The following LCP2 variants were observed in gnomAD, a reference collection of about 807,000 sequenced individuals.
The protein encoded by LCP2 is 76 kDa tyrosine phosphoprotein.
A neutral mutation model predicts 74.5 loss-of-function variants in LCP2; 29 were observed. That is an observed-to-expected ratio of 0.39 (90% CI 0.29 to 0.53). The LOEUF (loss-of-function observed/expected upper bound fraction) is 0.53, where lower values mean the gene tolerates loss of function less well. LCP2 is among the 20% of genes least tolerant of loss of function. LCP2 has a pLI of 0.72. For missense variants in LCP2, 604 were observed against 634.6 expected (o/e 0.95, Z 0.52); for synonymous variants, 228 against 229.5 (o/e 0.99, Z 0.06).
intron 2 of LCP2, among the ~76,000 whole-genome samples, chr5:170,289,671 T>TTCTTTCTTTCTTTCTTTCTCTC (rs1554141414): frequency 1.2e-5 from 1 of 84,048 alleles, no homozygotes; most frequent in African/African-American, 4.5e-5. Context: ...CTTTCTTTCT[T>TTCTTTCTTTCTTTCTTTCTCTC]TCTCTCTCTC....
chr5:170,293,485 C>A, intron 1 of LCP2, 113 bp from the exon 2 acceptor site: 1 of 964,456 alleles, frequency 1.0e-6, no homozygotes, highest in South Asian at 1.5e-5. Context: ...GCTAGCCAGG[C>A]TCCCCACTGC....
At chr5:170,293,055 C>G (rs985065145) in intron 2 of LCP2, among the ~76,000 whole-genome samples, 1 of 152,130 alleles carries the variant, frequency 6.6e-6, no homozygotes, top group Non-Finnish European at 1.5e-5. Flanking sequence ...GGATGGATGG[C>G]ATTTAAATAG....
At chr5:170,267,115 A>T (rs751072898) in intron 8 of LCP2, 40 bp from the exon 9 acceptor site, 1 of 1,603,536 alleles carries the variant, frequency 6.2e-7, no homozygotes, top group South Asian at 1.1e-5. Flanking sequence ...CTTCCAATAC[A>T]TCAGCAAGAG....
chr5:170,258,919 A>G (rs1425614107), intron 14 of LCP2, 41 bp from the exon 15 acceptor site: 1 of 1,413,780 alleles, frequency 7.1e-7, no homozygotes, highest in Non-Finnish European at 9.8e-7. Context: ...AGCTATCATC[A>G]AAATACAATT....
intron 3 of LCP2, among the ~76,000 whole-genome samples, chr5:170,286,424 G>A (rs979037951): frequency 1.3e-5 from 2 of 152,200 alleles, no homozygotes; most frequent in Non-Finnish European, 2.9e-5. Flanking sequence ...TCTGACACCT[G>A]TGTGGAAAGT....
At chr5:170,296,779 C>G (rs570051642) in intron 1 of LCP2, among the ~76,000 whole-genome samples, 1 of 152,328 alleles carries the variant, frequency 6.6e-6, no homozygotes, top group Non-Finnish European at 1.5e-5. Context: ...CAGCAACGCT[C>G]TGGTCCCAGC....
chr5:170,262,848 G>A lies in LCP2; in HGVS notation c.812C>T (p.Ala271Val), dbSNP rs369378243. The change falls in exon 12 of 21, where the codon GCG (alanine) becomes GTG (valine). Residue 271 changes from alanine to valine, a missense_variant. By Grantham distance (64) the Ala-to-Val change is moderately conservative. Transcript: ENST00000046794. The part of the protein sequence containing the change: ...PPFSDKPSIP[A>V]GRSLGEHLPK... The stretch of plus-strand genomic sequence containing the variant: ...GTAGATGCAACAGTCTTACCTTCCC[G>A]CTGGAATCGAGGGCTGCAAGACAGG... The A allele has an allele frequency of 3.0e-5, 49 of 1,614,018 alleles. No individual in the cohort carries two copies. Among genetic ancestry groups the A allele is most frequent in the Middle Eastern group, 3.3e-4 (2 of 6,062 alleles).
At chr5:170,251,826 T>A in intron 19 of LCP2, 1 of 328,908 alleles carries the variant, frequency 3.0e-6, no homozygotes, top group East Asian at 7.5e-5. Flanking sequence ...TTTCAAAAGT[T>A]CTCCGGGTGA....
chr5:170,277,178 C>T (rs1017774370), intron 3 of LCP2, among the ~76,000 whole-genome samples: 1 of 151,996 alleles, frequency 6.6e-6, no homozygotes, highest in Non-Finnish European at 1.5e-5. Context: ...CACAAGCTAG[C>T]CTTTCTAATT....
intron 6 of LCP2, among the ~76,000 whole-genome samples, chr5:170,271,215 G>A (rs569345030): frequency 1.1e-4 from 16 of 152,290 alleles, no homozygotes; most frequent in African/African-American, 1.4e-4. Flanking sequence ...AGAAGGTACC[G>A]GAATAGGCTC....
Position 170,256,707 on chromosome 5 carries a change from A to G in LCP2, c.1101-132T>C, listed in dbSNP as rs2113157634. The G allele has an allele frequency of 1.4e-6, 1 of 699,506 alleles. No individual in the cohort carries two copies. The highest frequency in any genetic ancestry group is 2.6e-6 in the Non-Finnish European group (1 of 382,190). The allele number at this position is 699,506 out of a possible 1,614,324, so 43.3% of individuals were successfully genotyped here. A position where few individuals can be genotyped will look rare whatever the true frequency, so the allele number is the denominator to read the frequency against. ...CACTTTCCCTGCTGCCCCCAAAACC[A>G]TGGGGGCTGGGCACAGGGACAGAAC... On this transcript the variant is annotated intron_variant, in intron 16 of 20. Coordinates refer to ENST00000046794, the MANE Select transcript of LCP2 (RefSeq NM_005565.5). This position sits in a 1 kb window ranked among gnomAD's most constrained non-coding sequence, Gnocchi z 4.5.
chr5:170,276,597 G>A (rs1265103589), intron 3 of LCP2, among the ~76,000 whole-genome samples: 1 of 152,086 alleles, frequency 6.6e-6, no homozygotes, highest in Non-Finnish European at 1.5e-5. Flanking sequence ...CCAAATCCCA[G>A]GATGGAGCTG....
At chr5:170,259,477 A>T (rs2113161643) in intron 14 of LCP2, among the ~76,000 whole-genome samples, 1 of 152,312 alleles carries the variant, frequency 6.6e-6, no homozygotes, top group South Asian at 2.1e-4. Flanking sequence ...GGGAAATTAG[A>T]CAAGGGAGGG....
At chr5:170,257,162 A>G (rs1761568809) in intron 16 of LCP2, among the ~76,000 whole-genome samples, 1 of 152,208 alleles carries the variant, frequency 6.6e-6, no homozygotes, top group Non-Finnish European at 1.5e-5. Context: ...AACCTTTGGG[A>G]AAAGTCTGCT....
chr5:170,265,071 T>G (rs1761727423), intron 10 of LCP2, among the ~76,000 whole-genome samples: 1 of 144,636 alleles, frequency 6.9e-6, no homozygotes, highest in Non-Finnish European at 1.5e-5. Flanking sequence ...CACTGCAAGC[T>G]CTGCCTCCCA....
chr5:170,279,171 C>A (rs1289433718), intron 3 of LCP2, among the ~76,000 whole-genome samples: 1 of 152,148 alleles, frequency 6.6e-6, no homozygotes, highest in East Asian at 1.9e-4. Flanking sequence ...TCTCTGCTTG[C>A]CTTTGTTTAA....
intron 1 of LCP2, among the ~76,000 whole-genome samples, chr5:170,294,592 T>C (rs533176652): frequency 6.6e-6 from 1 of 152,370 alleles, no homozygotes; most frequent in East Asian, 1.9e-4. Flanking sequence ...TTTTAAGCCA[T>C]ATTTTTATCT....
At chr5:170,290,998 A>G (rs769918687) in intron 2 of LCP2, among the ~76,000 whole-genome samples, 6 of 84,896 alleles carry the variant, frequency 7.1e-5, no homozygotes, top group Non-Finnish European at 1.3e-4. Flanking sequence ...GAAAGAAAGA[A>G]AGAGAGAAAG....
At chr5:170,263,121 T>C (rs1761692529) in intron 10 of LCP2, 129 bp from the exon 11 acceptor site, 2 of 1,068,558 alleles carry the variant, frequency 1.9e-6, no homozygotes, top group Admixed American at 5.1e-5. Context: ...CATTAAAGAA[T>C]CAGAAACTTC....
Sources: allele counts gnomAD v4.1 joint callset (sites outside exome capture counted in the v4.1 genomes callset), GRCh38; gene constraint gnomAD v4.1.1; non-coding constraint Gnocchi (gnomAD v3.1); transcripts MANE v1.5; gene names NCBI Gene and HGNC (gene_info 2026-07-23, HGNC 2026-07-21).